The following USP3 variants were observed in gnomAD, a reference collection of about 807,000 sequenced individuals.
The protein encoded by USP3 is ubiquitin specific peptidase 3.
In USP3, 20 loss-of-function variants were observed where a neutral mutation model predicts 72.3. That is an observed-to-expected ratio of 0.28 (90% CI 0.19 to 0.40). The LOEUF (loss-of-function observed/expected upper bound fraction) is 0.40. USP3 is among the 10% of genes least tolerant of loss of function. USP3 has a pLI of 1.00. For synonymous variants in USP3, 222 were observed against 225.3 expected (o/e 0.99, Z 0.13); for missense variants, 479 against 633.9 (o/e 0.76, Z 2.62).
At position 63,588,919 on chromosome 15, in the gene USP3, C is replaced by T; in HGVS notation, c.1330-25C>T. 6.2e-7 allele frequency: 1 copy of T among 1,614,066 alleles called. No homozygotes were observed. Among genetic ancestry groups the T allele is most frequent in the Non-Finnish European group, 8.5e-7 (1 of 1,179,960 alleles). On this transcript the variant is annotated intron_variant, in intron 13 of 14. Transcript: ENST00000380324. The surrounding 1 kb of genome is among the most constrained non-coding windows in gnomAD (Gnocchi z 4.6). ...ATCGAGATACTGATGTCATTGACCA[C>T]TGCTCCTTCTTCCTTGTTCTGTAGC... is the stretch of plus-strand genomic sequence containing the variant.
chr15:63,541,704 A>G (rs2066247696), intron 3 of USP3, among the ~76,000 whole-genome samples: 1 of 152,172 alleles, frequency 6.6e-6, no homozygotes, highest in African/African-American at 2.4e-5. Flanking sequence ...AAATTCTTTT[A>G]GATTTTAACC....
At chr15:63,532,108 A>G (rs2066085074) in intron 1 of USP3, among the ~76,000 whole-genome samples, 1 of 152,294 alleles carries the variant, frequency 6.6e-6, no homozygotes, top group South Asian at 2.1e-4. Context: ...TAATGTCTTG[A>G]TTATACCATC....
chr15:63,588,107 C>A lies in USP3; in HGVS notation c.1097-198C>A. 6.8e-6 allele frequency: 3 copies of A among 443,622 alleles called. No homozygotes were observed. Among genetic ancestry groups the A allele is most frequent in the Non-Finnish European group, 1.2e-5 (3 of 251,860 alleles). The allele number at this position is 443,622 out of a possible 1,614,324, so 27.5% of individuals were successfully genotyped here. A position where few individuals can be genotyped will look rare whatever the true frequency, so the allele number is the denominator to read the frequency against. ...GTCAGGCATGATGCCAGGTGCTCTACACATTATTTCTCTTCCTTATAATAG... is the reference window on the plus strand; with the variant it reads ...GTCAGGCATGATGCCAGGTGCTCTAAACATTATTTCTCTTCCTTATAATAG... On this transcript the variant is annotated intron_variant, in intron 11 of 14. Coordinates refer to ENST00000380324, the MANE Select transcript of USP3 (RefSeq NM_006537.4). This position sits in a 1 kb window ranked among gnomAD's most constrained non-coding sequence, Gnocchi z 4.6.
chr15:63,538,206 T>A (rs2066188367), intron 3 of USP3, among the ~76,000 whole-genome samples: 1 of 152,204 alleles, frequency 6.6e-6, no homozygotes, highest in South Asian at 2.1e-4. Flanking sequence ...AACTTTGGTG[T>A]GAAGCAAATT....
rs559046665 is a variant in USP3 at position 63,549,540 on chromosome 15, A to AT, written c.285-4167dup. Reference sequence around the variant, plus strand: ...TCCAAATCAACAAAGCGTTTGTTGTATTTTTTTTCATAGGTTTTGCAGCCA... The same window carrying AT: ...TCCAAATCAACAAAGCGTTTGTTGTATTTTTTTTTCATAGGTTTTGCAGCCA... On this transcript the variant is annotated intron_variant, in intron 3 of 14. Coordinates refer to ENST00000380324, the MANE Select transcript of USP3 (RefSeq NM_006537.4). Among the ~76,000 whole-genome samples the AT allele has an allele frequency of 7.2e-5, 11 of 152,116 alleles. No homozygotes were observed. The East Asian group carries it at 9.6e-4, about 13-fold the overall frequency.
chr15:63,561,775 A>C (rs556525525), intron 7 of USP3, among the ~76,000 whole-genome samples: 3 of 152,218 alleles, frequency 2.0e-5, no homozygotes, highest in Non-Finnish European at 2.9e-5. Context: ...AGTACTAGGA[A>C]GTCAAAAATA....
At chr15:63,554,908 A>G (rs1343780136) in intron 4 of USP3, among the ~76,000 whole-genome samples, 1 of 152,142 alleles carries the variant, frequency 6.6e-6, no homozygotes, top group Non-Finnish European at 1.5e-5. Flanking sequence ...AGGATTAGAG[A>G]CAGATACACA....
At chr15:63,565,699 A>C (rs1450927593) in intron 8 of USP3, among the ~76,000 whole-genome samples, 1 of 151,996 alleles carries the variant, frequency 6.6e-6, no homozygotes, top group Non-Finnish European at 1.5e-5. Flanking sequence ...CCCCACTTTG[A>C]GATGATTCAT....
intron 3 of USP3, among the ~76,000 whole-genome samples, chr15:63,541,427 G>A (rs563032267): frequency 9.2e-5 from 14 of 152,146 alleles, no homozygotes; most frequent in East Asian, 5.8e-4. Flanking sequence ...CGATTTGGAC[G>A]CAAATTTTCA....
At chr15:63,580,717 AATAT>A (rs1164230634) in intron 11 of USP3, among the ~76,000 whole-genome samples, 1 of 143,014 alleles carries the variant, frequency 7.0e-6, no homozygotes, top group Non-Finnish European at 1.5e-5. Context: ...TATTTATATA[AATAT>A]ATATTTTTTC....
At chr15:63,582,268 T>C (rs148331359) in intron 11 of USP3, among the ~76,000 whole-genome samples, 206 of 152,280 alleles carry the variant, frequency 1.4e-3, no homozygotes, top group African/African-American at 4.8e-3. Flanking sequence ...CATGAAGAGA[T>C]GACAGTGGTA....
intron 3 of USP3, among the ~76,000 whole-genome samples, chr15:63,543,657 A>G (rs535880685): frequency 5.9e-5 from 9 of 152,336 alleles, no homozygotes; most frequent in African/African-American, 1.9e-4. Flanking sequence ...ACATGGACAC[A>G]TGTTCTAAAA....
intron 1 of USP3, among the ~76,000 whole-genome samples, chr15:63,510,728 G>C (rs2065769435): frequency 1.3e-5 from 2 of 152,250 alleles, no homozygotes; most frequent in Middle Eastern, 3.4e-3. Flanking sequence ...TGACAGTTTA[G>C]AATGCTGAGA....
intron 1 of USP3, chr15:63,530,702 ACCATGAATAG>A (rs1449232671): frequency 2.8e-6 from 1 of 357,050 alleles, no homozygotes; most frequent in Admixed American, 3.9e-5. Flanking sequence ...CATACCTCAA[ACCATGAATAG>A]CTGTTCAAGT....
rs906271210 is a variant in USP3 at position 63,504,881 on chromosome 15, G to A, written c.91+51G>A. The A allele has an allele frequency of 1.6e-5, 23 of 1,420,562 alleles. 1 individual carries two copies. Among genetic ancestry groups the A allele is most frequent in the Non-Finnish European group, 1.9e-5 (20 of 1,079,164 alleles). 88.0% of individuals were successfully genotyped at this position (1,420,562 alleles called of 1,614,324 possible). On this transcript the variant is annotated intron_variant, in intron 1 of 14. Coordinates refer to ENST00000380324, the MANE Select transcript of USP3 (RefSeq NM_006537.4). Reference sequence around the variant, plus strand: ...GCAGCGCACCCGAGGCCGCGGCTCTGCCGGGCCTGCCGTCTAGGGGCCGCA... The same window carrying A: ...GCAGCGCACCCGAGGCCGCGGCTCTACCGGGCCTGCCGTCTAGGGGCCGCA...
intron 5 of USP3, 72 bp downstream of exon 5, chr15:63,556,820 ATGTAATG>A: frequency 1.9e-5 from 20 of 1,058,166 alleles, no homozygotes; most frequent in Non-Finnish European, 2.2e-5. Flanking sequence ...CAACTCTAAC[ATGTAATG>A]TTACCTGTTA....
chr15:63,549,537 TG>T (rs1252332699), intron 3 of USP3, among the ~76,000 whole-genome samples: 1 of 152,238 alleles, frequency 6.6e-6, no homozygotes, highest in Non-Finnish European at 1.5e-5. Flanking sequence ...AAGCGTTTGT[TG>T]TATTTTTTTT....
Position 63,528,412 on chromosome 15 carries a change from T to C in USP3, c.92-4235T>C, listed in dbSNP as rs1035657275. Among the ~76,000 whole-genome samples the C allele has an allele frequency of 6.6e-6, 1 of 152,198 alleles. No homozygotes were observed. Among genetic ancestry groups the C allele is most frequent in the African/African-American group, 2.4e-5 (1 of 41,458 alleles). ...CCTTATAAATTCCCAGACTTAACTT[T>C]TTAAGCCTTCACAAGTGTCTATCCT... On this transcript the variant is annotated intron_variant, in intron 1 of 14. Transcript: ENST00000380324. The surrounding 1 kb of genome is among the most constrained non-coding windows in gnomAD (Gnocchi z 4.3).
rs116821357 is a variant in USP3 at position 63,522,319 on chromosome 15, C to A, written c.92-10328C>A. 4.5e-3 allele frequency among the ~76,000 whole-genome samples: 683 copies of A among 152,324 alleles called. 9 individuals carry two copies. Among genetic ancestry groups the A allele is most frequent in the African/African-American group, 0.016 (657 of 41,578 alleles). ...CATCAGAGGGGCCACAAGTGGATTA[C>A]ATATGTGTTGAAATAAATGATCCCC... On this transcript the variant is annotated intron_variant, in intron 1 of 14. Coordinates refer to ENST00000380324, the MANE Select transcript of USP3 (RefSeq NM_006537.4).
Sources: gnomAD v4.1 joint callset for allele counts (sites outside exome capture counted in the v4.1 genomes callset) on GRCh38, gnomAD v4.1.1 for gene constraint, Gnocchi (gnomAD v3.1) non-coding constraint, MANE v1.5 for transcripts, NCBI Gene and HGNC (gene_info 2026-07-23, HGNC 2026-07-21) for gene names.